The following DOP1A variants were observed in gnomAD, a reference collection of about 807,000 sequenced individuals.
The protein encoded by DOP1A is DOP1 leucine zipper like protein A, also known as protein DOP1A.
In DOP1A, 90 loss-of-function variants were observed where a neutral mutation model predicts 267.6. That is an observed-to-expected ratio of 0.34 (90% CI 0.28 to 0.40). DOP1A has a LOEUF of 0.40. Ranked by LOEUF, DOP1A falls within the 10% of genes least tolerant of loss-of-function variation. The probability of loss-of-function intolerance (pLI) is 1.00; values close to 1 mark genes in which losing one functional copy is unlikely to be tolerated. For synonymous variants in DOP1A, 932 were observed against 999.1 expected (o/e 0.93, Z 1.27); for missense variants, 2,437 against 2,900.4 (o/e 0.84, Z 3.67).
intron 1 of DOP1A, among the ~76,000 whole-genome samples, chr6:83,075,558 G>T (rs1479482243): frequency 6.6e-6 from 1 of 152,110 alleles, no homozygotes; most frequent in Non-Finnish European, 1.5e-5. Flanking sequence ...GAAACAGAAG[G>T]AATAAAAGGG....
intron 1 of DOP1A, among the ~76,000 whole-genome samples, chr6:83,071,152 G>C (rs188889311): frequency 8.2e-4 from 125 of 152,270 alleles, no homozygotes; most frequent in African/African-American, 2.5e-3. Flanking sequence ...TAACATCTTG[G>C]CACCAAACTG....
At position 83,137,456 on chromosome 6, in the gene DOP1A, A is replaced by G; in HGVS notation, c.3414A>G (p.Gln1138=). ...PETVNAQEDS[Q]MPKESSPDDD... Reference sequence around the variant, plus strand: ...CCGTGAATGCCCAAGAGGATTCTCAAATGCCCAAGGAAAGCTCCCCAGATG... The same window carrying G: ...CCGTGAATGCCCAAGAGGATTCTCAGATGCCCAAGGAAAGCTCCCCAGATG... Residue 1138 remains glutamine, a synonymous_variant, in exon 21 of 39, where the codon CAA becomes CAG. Coordinates refer to ENST00000349129, the MANE Select transcript of DOP1A (RefSeq NM_015018.4). 3 of 1,613,834 alleles carry G rather than the reference A, an allele frequency of 1.9e-6. No homozygotes were observed. The highest frequency in any genetic ancestry group is 1.7e-6 in the Non-Finnish European group (2 of 1,179,866).
Position 83,086,577 on chromosome 6 carries a change from T to C in DOP1A, c.-146-10154T>C, listed in dbSNP as rs563540213. ...ATAGAAAAGAGAAGCCAACATAAAC[T>C]GAAAAAAAGAGGCTAAGAGATAACA... is the stretch of plus-strand genomic sequence containing the variant. On this transcript the variant is annotated intron_variant, in intron 1 of 38. Transcript: ENST00000349129. Among the ~76,000 whole-genome samples the C allele has an allele frequency of 1.3e-3, 196 of 151,972 alleles. 2 individuals are homozygous for C. The highest frequency in any genetic ancestry group is 4.6e-3 in the African/African-American group (190 of 41,458).
chr6:83,083,942 T>C, intron 1 of DOP1A, among the ~76,000 whole-genome samples: 1 of 152,238 alleles, frequency 6.6e-6, no homozygotes. Flanking sequence ...AAGAATCTGA[T>C]TTTATAGCAT....
chr6:83,107,839 G>A lies in DOP1A; in HGVS notation c.321-1071G>A, dbSNP rs547935446. ...CACTAAAAAGAGCATAGAAAGTTCC[G>A]AAAGGAACTAGAAAGGAATTCTTCA... On this transcript the variant is annotated intron_variant, in intron 4 of 38. Coordinates refer to ENST00000349129, the MANE Select transcript of DOP1A (RefSeq NM_015018.4). Among the ~76,000 whole-genome samples, 8 of 152,334 alleles carry A rather than the reference G, an allele frequency of 5.3e-5. No individual in the cohort carries two copies. In the East Asian group the frequency reaches 7.7e-4, roughly 15 times the overall value.
chr6:83,155,575 T>G (rs1782622603), intron 33 of DOP1A, among the ~76,000 whole-genome samples: 1 of 152,114 alleles, frequency 6.6e-6, no homozygotes, highest in Admixed American at 6.6e-5. Context: ...GGGTGAGTAA[T>G]GACTTGAGGA....
chr6:83,159,614 A>G (rs1783755518), intron 36 of DOP1A, 182 bp from the exon 37 acceptor site: 1 of 705,898 alleles, frequency 1.4e-6, no homozygotes, highest in African/African-American at 1.8e-5. Flanking sequence ...TGCATTCTCA[A>G]AGAAGAAAAG....
intron 7 of DOP1A, among the ~76,000 whole-genome samples, chr6:83,118,288 A>T (rs1234552981): frequency 6.6e-6 from 1 of 152,080 alleles, no homozygotes; most frequent in Non-Finnish European, 1.5e-5. Context: ...TCCTTTAATC[A>T]TTTTTTTAAA....
intron 1 of DOP1A, among the ~76,000 whole-genome samples, chr6:83,089,279 A>G (rs1769890108): frequency 6.6e-6 from 1 of 152,242 alleles, no homozygotes; most frequent in African/African-American, 2.4e-5. Flanking sequence ...TTGAGATGGT[A>G]TGATACAATA....
chr6:83,104,039 T>G (rs1773102225), intron 4 of DOP1A, among the ~76,000 whole-genome samples: 1 of 152,158 alleles, frequency 6.6e-6, no homozygotes, highest in Admixed American at 6.5e-5. Context: ...TTTAATGAAG[T>G]CTGATTTATC....
At chr6:83,160,541 T>A (rs1783984960) in intron 37 of DOP1A, among the ~76,000 whole-genome samples, 1 of 152,192 alleles carries the variant, frequency 6.6e-6, no homozygotes, top group African/African-American at 2.4e-5. Context: ...AATTTTAGAA[T>A]GCTTATTTTG....
At chr6:83,072,966 A>G (rs1458150160) in intron 1 of DOP1A, 1 of 359,194 alleles carries the variant, frequency 2.8e-6, no homozygotes, top group South Asian at 2.2e-5. Flanking sequence ...GTGAAAAAAT[A>G]GAACATAGTA....
chr6:83,075,155 T>C (rs538280964), intron 1 of DOP1A, among the ~76,000 whole-genome samples: 1 of 152,380 alleles, frequency 6.6e-6, no homozygotes, highest in South Asian at 2.1e-4. Flanking sequence ...AGTTAATATA[T>C]GTTAGCACTT....
At chr6:83,156,703 TG>T (rs1782876405) in intron 34 of DOP1A, among the ~76,000 whole-genome samples, 1 of 152,214 alleles carries the variant, frequency 6.6e-6, no homozygotes, top group Non-Finnish European at 1.5e-5. Flanking sequence ...GGAGCCAACA[TG>T]GGAACATGAT....
intron 24 of DOP1A, 59 bp from the exon 25 acceptor site, chr6:83,145,465 T>C: frequency 7.3e-7 from 1 of 1,374,514 alleles, no homozygotes; most frequent in Non-Finnish European, 9.8e-7. Context: ...CTCTCTTCTG[T>C]AACTTCCCCT....
At chr6:83,118,299 C>T (rs754694346) in intron 7 of DOP1A, among the ~76,000 whole-genome samples, 5 of 151,310 alleles carry the variant, frequency 3.3e-5, no homozygotes, top group African/African-American at 7.3e-5. Context: ...TTTTTTTAAA[C>T]GTTGAATTAA....
intron 15 of DOP1A, among the ~76,000 whole-genome samples, chr6:83,127,294 C>T (rs958648637): frequency 6.6e-6 from 1 of 152,092 alleles, no homozygotes; most frequent in Admixed American, 6.6e-5. Flanking sequence ...AATTCCTTCC[C>T]AAGGCTAGTT....
chr6:83,110,197 T>C lies in DOP1A; in HGVS notation c.564T>C (p.Ser188=). 6.2e-7 allele frequency: 1 copy of C among 1,613,982 alleles called. No individual in the cohort carries two copies. The highest frequency in any genetic ancestry group is 8.5e-7 in the Non-Finnish European group (1 of 1,179,926). Residue 188 remains serine, a synonymous_variant, in exon 6 of 39, where the codon AGT becomes AGC. Transcript: ENST00000349129. ...QSAFYSALWG[S]LLTSPAVRLP... is the part of the protein sequence containing the mutation. The stretch of plus-strand genomic sequence containing the variant: ...CATTCTACAGTGCCCTGTGGGGTAG[T>C]CTTCTCACCAGTCCTGCTGTGCGTT...
At chr6:83,076,758 C>T (rs1405859256) in intron 1 of DOP1A, among the ~76,000 whole-genome samples, 4 of 152,122 alleles carry the variant, frequency 2.6e-5, no homozygotes, top group African/African-American at 9.7e-5. Context: ...ATGCAGCAAT[C>T]CCGCTTTTGG....
Sources: allele counts gnomAD v4.1 joint callset (sites outside exome capture counted in the v4.1 genomes callset), GRCh38; gene constraint gnomAD v4.1.1; transcripts MANE v1.5; gene names NCBI Gene and HGNC (gene_info 2026-07-23, HGNC 2026-07-21).